CAPN9: variants seen among roughly 807,000 people sequenced by gnomAD.
CAPN9 encodes calpain-9.
In CAPN9, 81 loss-of-function variants were observed where a neutral mutation model predicts 92.8. The ratio of observed to expected loss-of-function variants is 0.87; its 90% CI spans 0.73 to 1.05. CAPN9 has a LOEUF of 1.05. CAPN9 is among the 50% of genes least tolerant of loss of function. The pLI, the probability that CAPN9 is intolerant of heterozygous loss-of-function variation, is 0.00. For missense variants in CAPN9, 848 were observed against 866.2 expected (o/e 0.98, Z 0.26); for synonymous variants, 304 against 328.0 (o/e 0.93, Z 0.79).
chr1:230,800,264 A>AAG (rs1313431123), intron 19 of CAPN9, among the ~76,000 whole-genome samples: 2 of 133,634 alleles, frequency 1.5e-5, no homozygotes, highest in South Asian at 5.0e-4. Context: ...GAAAGAAAGA[A>AAG]AGAAAGAAAG....
intron 1 of CAPN9, among the ~76,000 whole-genome samples, chr1:230,751,851 T>G (rs1435892439): frequency 6.6e-4 from 1 of 1,518 alleles, no homozygotes; most frequent in African/African-American, 4.5e-3. Flanking sequence ...GGTAGGGCTG[T>G]GGGGTGGGGG....
At chr1:230,758,852 C>G (rs1185089318) in intron 2 of CAPN9, among the ~76,000 whole-genome samples, 1 of 152,224 alleles carries the variant, frequency 6.6e-6, no homozygotes, top group African/African-American at 2.4e-5. Context: ...ACAGCCCACA[C>G]TCAGTGTGGG....
rs923946970 is a variant in CAPN9, at chr1:230,801,767, C to T, written c.*171C>T. On this transcript the variant is annotated 3_prime_UTR_variant, in exon 20 of 20. Coordinates refer to ENST00000271971, the MANE Select transcript of CAPN9 (RefSeq NM_006615.3). The stretch of plus-strand genomic sequence containing the variant: ...AGAATGAAATGAACTCAGCTACACT[C>T]TCTGATTTTGTGCTACTCCTTTGTA... The T allele has an allele frequency of 3.0e-6, 2 of 677,202 alleles. No individual in the cohort carries two copies. Among genetic ancestry groups the T allele is most frequent in the African/African-American group, 1.8e-5 (1 of 56,368 alleles). 41.9% of individuals were successfully genotyped at this position (677,202 alleles called of 1,614,324 possible).
chr1:230,779,182 C>T (rs974912164), intron 9 of CAPN9, 49 bp downstream of exon 9: 3 of 1,563,190 alleles, frequency 1.9e-6, no homozygotes, highest in Non-Finnish European at 2.6e-6. Flanking sequence ...GTGTCCCTTC[C>T]AACTCAGGAC....
chr1:230,793,361 G>A (rs757914874), intron 17 of CAPN9, among the ~76,000 whole-genome samples: 3 of 152,170 alleles, frequency 2.0e-5, no homozygotes, highest in African/African-American at 4.8e-5. Context: ...GGGTCCGCAC[G>A]TCCCTCTGCC....
chr1:230,774,743 T>TTTCTTTCTTTCTTTC, intron 8 of CAPN9, 112 bp downstream of exon 8: 2 of 444,562 alleles, frequency 4.5e-6, no homozygotes. Flanking sequence ...TTCTTTCTTT[T>TTTCTTTCTTTCTTTC]TTTTTTTTTT....
intron 15 of CAPN9, 96 bp from the exon 16 acceptor site, chr1:230,792,330 C>T: frequency 1.0e-6 from 1 of 995,322 alleles, no homozygotes; most frequent in South Asian, 1.3e-5. Context: ...CAGGCCAGCC[C>T]ATCGGCCCTC....
intron 1 of CAPN9, among the ~76,000 whole-genome samples, chr1:230,752,929 G>C (rs1044166911): frequency 6.6e-6 from 1 of 152,172 alleles, no homozygotes; most frequent in African/African-American, 2.4e-5. Context: ...TGCTGAGCGG[G>C]GCAGGCTATT....
chr1:230,794,653 G>A (rs544538803), intron 17 of CAPN9, among the ~76,000 whole-genome samples: 5 of 152,264 alleles, frequency 3.3e-5, no homozygotes, highest in African/African-American at 9.6e-5. Flanking sequence ...TTCCCCCATC[G>A]TGGATGTGTA....
intron 5 of CAPN9, among the ~76,000 whole-genome samples, chr1:230,768,811 G>A (rs1159378107): frequency 2.0e-5 from 3 of 152,028 alleles, no homozygotes; most frequent in Admixed American, 6.5e-5. Flanking sequence ...GGTTTGTGAC[G>A]CAGAGCTGTG....
At position 230,766,670 on chromosome 1, in the gene CAPN9, T is replaced by G. The variant is rs572583744; in HGVS notation, c.537-871T>G. Among the ~76,000 whole-genome samples, 78 of 152,322 alleles carry G rather than the reference T, an allele frequency of 5.1e-4. 1 individual carries two copies. The highest frequency in any genetic ancestry group is 1.0e-3 in the Admixed American group (16 of 15,300). ...AAAAACTAAAGAAGCCCAAATAAGC[T>G]ATTGTATTAAGTCTGTTTTCACACT... On this transcript the variant is annotated intron_variant, in intron 4 of 19. Transcript: ENST00000271971.
At chr1:230,798,852 A>G (rs1364365873) in intron 19 of CAPN9, among the ~76,000 whole-genome samples, 2 of 152,210 alleles carry the variant, frequency 1.3e-5, no homozygotes, top group Admixed American at 1.3e-4. Context: ...GCAGAGTGCC[A>G]GGCCCTGCCC....
At chr1:230,759,713 C>G in intron 3 of CAPN9, 83 bp downstream of exon 3, 2 of 853,732 alleles carry the variant, frequency 2.3e-6, no homozygotes, top group Non-Finnish European at 3.7e-6. Flanking sequence ...GCCTGGTAAC[C>G]CTAGAAAAAA....
At position 230,801,765 on chromosome 1, in the gene CAPN9, C is replaced by T. The variant is rs1668739329; in HGVS notation, c.*169C>T. 2 of 688,516 alleles carry T rather than the reference C, an allele frequency of 2.9e-6. No homozygotes were observed. Among genetic ancestry groups the T allele is most frequent in the Non-Finnish European group, 5.2e-6 (2 of 382,744 alleles). The allele number at this position is 688,516 out of a possible 1,614,324, so 42.7% of individuals were successfully genotyped here. A position where few individuals can be genotyped will look rare whatever the true frequency, so the allele number is the denominator to read the frequency against. ...GAAGAATGAAATGAACTCAGCTACA[C>T]TCTCTGATTTTGTGCTACTCCTTTG... On this transcript the variant is annotated 3_prime_UTR_variant, in exon 20 of 20. Coordinates refer to ENST00000271971, the MANE Select transcript of CAPN9 (RefSeq NM_006615.3).
chr1:230,800,050 C>T (rs1284421498), intron 19 of CAPN9, among the ~76,000 whole-genome samples: 2 of 151,498 alleles, frequency 1.3e-5, no homozygotes, highest in Non-Finnish European at 2.9e-5. Context: ...TGGTGGCGGG[C>T]GCCTGTAGTC....
rs148855822 is a variant in CAPN9 at position 230,796,626 on chromosome 1, G to A, written c.1987+1347G>A. 2.2e-3 allele frequency among the ~76,000 whole-genome samples: 328 copies of A among 152,290 alleles called. 2 individuals are homozygous for A. The highest frequency in any genetic ancestry group is 7.7e-3 in the African/African-American group (318 of 41,568). ...TCTAGTATATCAAGCCAGGAAGCCGGCTTTCCCTAAGGGGTTACTGGTAGC... is the reference window on the plus strand; with the variant it reads ...TCTAGTATATCAAGCCAGGAAGCCGACTTTCCCTAAGGGGTTACTGGTAGC... On this transcript the variant is annotated intron_variant, in intron 18 of 19. Transcript: ENST00000271971.
In CAPN9 at chr1:230,761,772, C is replaced by T. The variant is rs28359626; in HGVS notation, c.403-881C>T. On this transcript the variant is annotated intron_variant, in intron 3 of 19. Transcript: ENST00000271971. ...CTCAGGCCAACTGAACCAGAAGGAA[C>T]GGGTAGGAGGTGGGTCACTGCAGGA... Among the ~76,000 whole-genome samples the T allele has an allele frequency of 9.8e-3, 1,498 of 152,192 alleles. 30 individuals are homozygous for T. The highest frequency in any genetic ancestry group is 0.034 in the African/African-American group (1,417 of 41,528).
chr1:230,775,916 C>CAAAA (rs34406575), intron 8 of CAPN9, among the ~76,000 whole-genome samples: 164 of 110,548 alleles, frequency 1.5e-3, no homozygotes, highest in African/African-American at 5.1e-3. Context: ...TACTCCATCT[C>CAAAA]AAAAAAAAAA....
At chr1:230,800,298 GA>G (rs1558124412) in intron 19 of CAPN9, among the ~76,000 whole-genome samples, 1 of 95,848 alleles carries the variant, frequency 1.0e-5, no homozygotes, top group Non-Finnish European at 2.3e-5. Context: ...AAGAAAGAAA[GA>G]AAGAAAGGAA....
Sources: allele counts gnomAD v4.1 joint callset (sites outside exome capture counted in the v4.1 genomes callset), GRCh38; gene constraint gnomAD v4.1.1; transcripts MANE v1.5; gene names NCBI Gene and HGNC (gene_info 2026-07-23, HGNC 2026-07-21).